Variants in RASGRF2 observed in about 807,000 individuals in gnomAD.
RASGRF2 encodes the protein Ras protein specific guanine nucleotide releasing factor 2, also known as ras-specific guanine nucleotide-releasing factor 2.
Under a neutral mutation model 151.0 loss-of-function variants are expected in RASGRF2, and 76 were observed. That is an observed-to-expected ratio of 0.50 (90% CI 0.42 to 0.61). The LOEUF (loss-of-function observed/expected upper bound fraction) is 0.61. Among genes scored for constraint, RASGRF2 ranks in the 20% least tolerant of loss-of-function variants. RASGRF2 has a pLI of 0.00. For missense variants in RASGRF2, 1,148 were observed against 1,564.6 expected, an observed-to-expected ratio of 0.73 and a Z score of 4.49; for synonymous variants, 504 against 566.5, an observed-to-expected ratio of 0.89 and a Z score of 1.57.
chr5:81,061,251 GTTTC>G (rs1336043231), intron 2 of RASGRF2, among the ~76,000 whole-genome samples: 1 of 151,226 alleles, frequency 6.6e-6, no homozygotes, highest in African/African-American at 2.4e-5. Context: ...TGAACATTTT[GTTTC>G]TTTTGTATCT....
chr5:81,188,954 A>C (rs1024292954), intron 18 of RASGRF2, among the ~76,000 whole-genome samples: 3 of 152,254 alleles, frequency 2.0e-5, no homozygotes, highest in Non-Finnish European at 4.4e-5. Flanking sequence ...CAGTGAGAAT[A>C]GCACATGTCA....
At chr5:81,175,260 GTTA>G (rs1754748798) in intron 17 of RASGRF2, among the ~76,000 whole-genome samples, 1 of 152,208 alleles carries the variant, frequency 6.6e-6, no homozygotes, top group Admixed American at 6.5e-5. Flanking sequence ...AATGGCAATT[GTTA>G]TTATTGCCTT....
chr5:81,049,817 C>T (rs976826100), intron 2 of RASGRF2, among the ~76,000 whole-genome samples: 6 of 152,130 alleles, frequency 3.9e-5, no homozygotes, highest in Non-Finnish European at 8.8e-5. Context: ...GGCAGGCTGA[C>T]TCCAAAACCT....
At position 81,100,848 on chromosome 5, in the gene RASGRF2, A is replaced by T. The variant is rs548727324; in HGVS notation, c.1755+5856A>T. ...CTACTTTAACATAAAAAGGTGAATT[A>T]AAAAAATTGACTCTAACCTTTCTTC... On this transcript the variant is annotated intron_variant, in intron 12 of 26. Transcript: ENST00000265080. 2.0e-5 allele frequency among the ~76,000 whole-genome samples: 3 copies of T among 152,328 alleles called. 1 individual carries two copies. The highest frequency in any genetic ancestry group is 7.2e-5 in the African/African-American group (3 of 41,566).
intron 22 of RASGRF2, among the ~76,000 whole-genome samples, chr5:81,208,770 C>T (rs1049474873): frequency 5.9e-5 from 9 of 151,976 alleles, no homozygotes; most frequent in African/African-American, 1.9e-4. Context: ...AGACTGGTCT[C>T]GAACTCCTGA....
chr5:81,075,334 G>A (rs568756476), intron 5 of RASGRF2, among the ~76,000 whole-genome samples: 2 of 152,310 alleles, frequency 1.3e-5, no homozygotes, highest in African/African-American at 4.8e-5. Context: ...AGGGTGCAAT[G>A]GGCAGCACAG....
intron 2 of RASGRF2, among the ~76,000 whole-genome samples, chr5:81,056,574 C>T (rs1309722040): frequency 5.3e-5 from 8 of 151,984 alleles, no homozygotes; most frequent in African/African-American, 1.2e-4. Context: ...GGAATAAGTG[C>T]GGTGTGGTGC....
chr5:81,030,696 A>C (rs1750208194), intron 1 of RASGRF2, among the ~76,000 whole-genome samples: 1 of 152,246 alleles, frequency 6.6e-6, no homozygotes, highest in Non-Finnish European at 1.5e-5. Context: ...CTGCAAAAAC[A>C]GGCCAAATTG....
intron 5 of RASGRF2, among the ~76,000 whole-genome samples, chr5:81,074,770 C>T (rs902234860): frequency 3.3e-5 from 5 of 152,034 alleles, no homozygotes; most frequent in African/African-American, 1.2e-4. Context: ...TTCAAGGATA[C>T]GGTGACATTC....
At chr5:81,175,982 T>C (rs892814806) in intron 17 of RASGRF2, among the ~76,000 whole-genome samples, 9 of 152,006 alleles carry the variant, frequency 5.9e-5, no homozygotes, top group African/African-American at 2.2e-4. Flanking sequence ...CCTGTAGCAG[T>C]TTGATCATTT....
At position 81,000,780 on chromosome 5, in the gene RASGRF2, G is replaced by A. The variant is rs182347285; in HGVS notation, c.288+39754G>A. The stretch of plus-strand genomic sequence containing the variant: ...GGTTTTGTCCTATGCATCTCTACAC[G>A]TCAGCCACTTTAGCAAAGAAAGGCT... On this transcript the variant is annotated intron_variant, in intron 1 of 26. Coordinates refer to ENST00000265080, the MANE Select transcript of RASGRF2 (RefSeq NM_006909.3). Among the ~76,000 whole-genome samples the A allele has an allele frequency of 2.0e-4, 31 of 152,242 alleles. No homozygotes were observed. In the East Asian group the frequency reaches 3.9e-3, roughly 19 times the overall value.
chr5:81,001,055 A>G (rs992690405), intron 1 of RASGRF2, among the ~76,000 whole-genome samples: 1 of 152,220 alleles, frequency 6.6e-6, no homozygotes, highest in Non-Finnish European at 1.5e-5. Context: ...AGACCCTAGG[A>G]TGCATGCAGT....
chr5:80,966,664 TTTGTTG>T (rs377170720), intron 1 of RASGRF2, among the ~76,000 whole-genome samples: 105 of 151,956 alleles, frequency 6.9e-4, no homozygotes, highest in African/African-American at 2.4e-3. Flanking sequence ...CAGTAGCAGG[TTTGTTG>T]TTGTTGTTGT....
intron 17 of RASGRF2, among the ~76,000 whole-genome samples, chr5:81,128,223 T>A (rs1753521396): frequency 6.6e-6 from 1 of 152,164 alleles, no homozygotes; most frequent in Non-Finnish European, 1.5e-5. Context: ...TTGTACACCA[T>A]GGTGACTAGT....
chr5:80,968,356 A>AT (rs11383839), intron 1 of RASGRF2, among the ~76,000 whole-genome samples: 62,621 of 149,168 alleles, frequency 0.42, 13,854 homozygotes, highest in African/African-American at 0.55. Flanking sequence ...CCATGTGTAC[A>AT]TTTTTTTTTT....
chr5:80,978,661 C>A (rs1748203160), intron 1 of RASGRF2, among the ~76,000 whole-genome samples: 1 of 152,056 alleles, frequency 6.6e-6, no homozygotes, highest in African/African-American at 2.4e-5. Context: ...ATGGCGGGTG[C>A]CTGTAATCCC....
intron 1 of RASGRF2, among the ~76,000 whole-genome samples, chr5:80,964,466 G>C (rs1454710924): frequency 1.3e-5 from 2 of 151,996 alleles, no homozygotes; most frequent in African/African-American, 2.4e-5. Flanking sequence ...TTGAACTTCA[G>C]CTTTTGGAGA....
At chr5:81,160,185 C>T (rs1285449643) in intron 17 of RASGRF2, among the ~76,000 whole-genome samples, 2 of 152,138 alleles carry the variant, frequency 1.3e-5, no homozygotes, top group African/African-American at 4.8e-5. Context: ...TCTGGAAGGC[C>T]AAGGCGGGTG....
chr5:80,966,048 C>A (rs1747711327), intron 1 of RASGRF2, among the ~76,000 whole-genome samples: 1 of 150,312 alleles, frequency 6.7e-6, no homozygotes, highest in African/African-American at 2.5e-5. Flanking sequence ...TATTTTTATA[C>A]CTATTTATTT....
Sources: gnomAD v4.1 joint callset for allele counts (sites outside exome capture counted in the v4.1 genomes callset) on GRCh38, gnomAD v4.1.1 for gene constraint, MANE v1.5 for transcripts, NCBI Gene and HGNC (gene_info 2026-07-23, HGNC 2026-07-21) for gene names.